DGKB: variants seen among roughly 807,000 people sequenced by gnomAD.
DGKB encodes diacylglycerol kinase beta, also known as 90 kDa diacylglycerol kinase.
A neutral mutation model predicts 114.3 loss-of-function variants in DGKB; 67 were observed. The observed-to-expected ratio is 0.59, with a 90% CI of 0.48 to 0.72. The LOEUF (loss-of-function observed/expected upper bound fraction) is 0.72. Ranked by LOEUF, DGKB falls within the 30% of genes least tolerant of loss-of-function variation. DGKB has a pLI of 0.00. For synonymous variants in DGKB, 398 were observed against 323.1 expected, an observed-to-expected ratio of 1.23 and a Z score of -2.49; for missense variants, 907 against 975.2, an observed-to-expected ratio of 0.93 and a Z score of 0.93.
intron 1 of DGKB, among the ~76,000 whole-genome samples, chr7:14,941,527 A>G (rs1303381815): frequency 3.3e-5 from 5 of 152,118 alleles, no homozygotes; most frequent in Non-Finnish European, 5.9e-5. Context: ...CATTCCAAAA[A>G]TTGTATGCAT....
Position 14,755,121 on chromosome 7 carries a change from A to G in DGKB, c.148-1173T>C, listed in dbSNP as rs146748446. 3.8e-3 allele frequency among the ~76,000 whole-genome samples: 573 copies of G among 152,304 alleles called. 4 individuals carry two copies. Among genetic ancestry groups the G allele is most frequent in the South Asian group, 0.014 (70 of 4,832 alleles). ...AGACCTTTGAATGGTTTTTATTCCT[A>G]CAGAATCTTTAAGGCTATTGTTTAG... On this transcript the variant is annotated intron_variant, in intron 3 of 25. Transcript: ENST00000402815.
intron 17 of DGKB, among the ~76,000 whole-genome samples, chr7:14,600,599 T>C (rs1803363632): frequency 6.6e-6 from 1 of 152,044 alleles, no homozygotes; most frequent in Non-Finnish European, 1.5e-5. Context: ...GCAAGTTAGG[T>C]CCTTCCAAAG....
chr7:14,217,864 T>A (rs1289298441), intron 23 of DGKB, among the ~76,000 whole-genome samples: 1 of 152,210 alleles, frequency 6.6e-6, no homozygotes, highest in East Asian at 1.9e-4. Flanking sequence ...TTTTCTTTCT[T>A]TGTCCATTGA....
intron 8 of DGKB, among the ~76,000 whole-genome samples, chr7:14,697,588 A>G (rs1190200712): frequency 6.6e-6 from 1 of 151,954 alleles, no homozygotes. Context: ...ACTTCTGATT[A>G]GAAATAGTAA....
chr7:14,261,690 GAAAC>G (rs1796800217), intron 23 of DGKB, among the ~76,000 whole-genome samples: 2 of 152,088 alleles, frequency 1.3e-5, no homozygotes, highest in African/African-American at 4.8e-5. Flanking sequence ...ATATAGGAAA[GAAAC>G]AAAAACATAG....
intron 13 of DGKB, among the ~76,000 whole-genome samples, chr7:14,667,183 G>A (rs1422482167): frequency 6.6e-6 from 1 of 151,902 alleles, no homozygotes; most frequent in African/African-American, 2.4e-5. Context: ...TTATAACAAC[G>A]ATTGGGGAGG....
intron 20 of DGKB, among the ~76,000 whole-genome samples, chr7:14,559,987 T>C (rs1179413223): frequency 2.0e-5 from 3 of 151,670 alleles, no homozygotes; most frequent in East Asian, 1.9e-4. Flanking sequence ...CTTTTTGCCT[T>C]CCTCTCTTTT....
At chr7:14,164,577 T>G (rs2128228146) in intron 25 of DGKB, among the ~76,000 whole-genome samples, 1 of 152,342 alleles carries the variant, frequency 6.6e-6, no homozygotes, top group Non-Finnish European at 1.5e-5. Flanking sequence ...TAATTTTCTT[T>G]TTATGTAATT....
intron 21 of DGKB, among the ~76,000 whole-genome samples, chr7:14,357,926 C>G (rs1216486839): frequency 6.6e-6 from 1 of 152,158 alleles, no homozygotes; most frequent in Non-Finnish European, 1.5e-5. Flanking sequence ...ATATTGGCCC[C>G]TACTCTGGCT....
At chr7:14,170,785 G>T (rs1780875955) in intron 25 of DGKB, among the ~76,000 whole-genome samples, 1 of 152,166 alleles carries the variant, frequency 6.6e-6, no homozygotes, top group Non-Finnish European at 1.5e-5. Context: ...ATGGTGGGAT[G>T]TGTGAAAAGA....
At chr7:14,468,388 A>G (rs1466642630) in intron 21 of DGKB, among the ~76,000 whole-genome samples, 1 of 152,136 alleles carries the variant, frequency 6.6e-6, no homozygotes, top group Non-Finnish European at 1.5e-5. Context: ...GGCTGAACAC[A>G]AGGGAACAGA....
At chr7:14,331,143 A>C (rs1809649280) in intron 23 of DGKB, among the ~76,000 whole-genome samples, 1 of 152,062 alleles carries the variant, frequency 6.6e-6, no homozygotes, top group South Asian at 2.1e-4. Context: ...CAGTTTAAAA[A>C]CATAGTTGGG....
chr7:14,392,995 G>GTGTTTTTTTTTTTTTTTTT (rs1821577015), intron 21 of DGKB, among the ~76,000 whole-genome samples: 2 of 60,546 alleles, frequency 3.3e-5, no homozygotes, highest in African/African-American at 9.7e-5. Flanking sequence ...TTTTGTTTTT[G>GTGTTTTTTTTTTTTTTTTT]TTTTTTTTTT....
intron 23 of DGKB, among the ~76,000 whole-genome samples, chr7:14,322,243 G>C (rs1277315178): frequency 6.6e-6 from 1 of 152,084 alleles, no homozygotes. Flanking sequence ...GTATGACAGA[G>C]AGTATATGAC....
intron 9 of DGKB, among the ~76,000 whole-genome samples, chr7:14,689,649 G>A (rs901994383): frequency 1.3e-5 from 2 of 152,038 alleles, no homozygotes; most frequent in Non-Finnish European, 2.9e-5. Context: ...GTTACACCAC[G>A]TAGTCATTTT....
At chr7:14,718,798 G>T in intron 5 of DGKB, 113 bp from the exon 6 acceptor site, 1 of 803,954 alleles carries the variant, frequency 1.2e-6, no homozygotes, top group Non-Finnish European at 1.9e-6. Flanking sequence ...TATTTTTTAG[G>T]CATAGAATAA....
chr7:14,339,643 T>C (rs1198125878), intron 22 of DGKB, among the ~76,000 whole-genome samples: 3 of 152,054 alleles, frequency 2.0e-5, no homozygotes, highest in Non-Finnish European at 1.5e-5. Context: ...ATTTTTAAAA[T>C]TACTATTTAT....
intron 23 of DGKB, among the ~76,000 whole-genome samples, chr7:14,309,089 G>T (rs1804945644): frequency 1.3e-5 from 2 of 152,028 alleles, no homozygotes; most frequent in African/African-American, 4.8e-5. Flanking sequence ...CATGGTGCTT[G>T]CCTGTAGTCC....
At chr7:14,536,109 T>C (rs1028875321) in intron 20 of DGKB, among the ~76,000 whole-genome samples, 2 of 151,008 alleles carry the variant, frequency 1.3e-5, no homozygotes, top group African/African-American at 4.9e-5. Flanking sequence ...AAAGAAGAAA[T>C]AGAAACACTT....
Sources: allele counts gnomAD v4.1 joint callset (sites outside exome capture counted in the v4.1 genomes callset), GRCh38; gene constraint gnomAD v4.1.1; transcripts MANE v1.5; gene names NCBI Gene and HGNC (gene_info 2026-07-23, HGNC 2026-07-21).